The following GPC6 variants were observed in gnomAD, a reference collection of about 807,000 sequenced individuals.
The protein encoded by GPC6 is glypican-6.
In GPC6, 14 loss-of-function variants were observed where a neutral mutation model predicts 55.2. The ratio of observed to expected loss-of-function variants is 0.25; its 90% CI spans 0.17 to 0.40. GPC6 has a LOEUF of 0.40. Among genes scored for constraint, GPC6 ranks in the 10% least tolerant of loss-of-function variants. GPC6 has a pLI of 1.00. For missense variants in GPC6, 641 were observed against 708.5 expected (o/e 0.90, Z 1.08); for synonymous variants, 278 against 259.6 (o/e 1.07, Z -0.68).
At chr13:93,337,565 A>G (rs1331532810) in intron 1 of GPC6, among the ~76,000 whole-genome samples, 1 of 152,196 alleles carries the variant, frequency 6.6e-6, no homozygotes, top group East Asian at 1.9e-4. Context: ...GGCCATATAG[A>G]CAGGATATGG....
chr13:94,298,117 A>G (rs1453582584), intron 5 of GPC6, among the ~76,000 whole-genome samples: 1 of 152,150 alleles, frequency 6.6e-6, no homozygotes, highest in Non-Finnish European at 1.5e-5. Context: ...CGTCATCAAG[A>G]TGTTTTAAGT....
intron 3 of GPC6, among the ~76,000 whole-genome samples, chr13:93,968,954 C>G (rs907191612): frequency 2.6e-5 from 4 of 152,100 alleles, no homozygotes; most frequent in African/African-American, 9.7e-5. Context: ...TTAGTTTTCC[C>G]CAGTCTCTCA....
intron 4 of GPC6, among the ~76,000 whole-genome samples, chr13:94,170,659 T>C (rs1387371511): frequency 6.6e-6 from 1 of 152,236 alleles, no homozygotes; most frequent in Non-Finnish European, 1.5e-5. Context: ...ATTTTCACGT[T>C]TTCAAATTTG....
At chr13:93,221,090 C>T in the GPC6 span, among the ~76,000 whole-genome samples, 2 of 151,964 alleles carry the variant, frequency 1.3e-5, no homozygotes, top group African/African-American at 4.8e-5. Flanking sequence ...GATATGTTGC[C>T]CAGGCTGGTC....
At chr13:93,231,375 A>ATG (rs1566533455) in intron 1 of GPC6, among the ~76,000 whole-genome samples, 1 of 17,526 alleles carries the variant, frequency 5.7e-5, no homozygotes, top group African/African-American at 3.1e-4. Flanking sequence ...ATATATATAT[A>ATG]TATACATATA....
At chr13:94,014,404 G>A (rs898858114) in intron 3 of GPC6, among the ~76,000 whole-genome samples, 1 of 152,146 alleles carries the variant, frequency 6.6e-6, no homozygotes, top group Non-Finnish European at 1.5e-5. Context: ...ACAGCCTCTC[G>A]TTAGGGTTAA....
intron 4 of GPC6, among the ~76,000 whole-genome samples, chr13:94,161,087 T>C (rs968865559): frequency 1.3e-5 from 2 of 152,240 alleles, no homozygotes; most frequent in African/African-American, 4.8e-5. Context: ...TTAAGATGTT[T>C]GTTTAAGGTG....
At chr13:93,873,610 C>A (rs772938886) in intron 3 of GPC6, among the ~76,000 whole-genome samples, 1 of 151,776 alleles carries the variant, frequency 6.6e-6, no homozygotes, top group African/African-American at 2.4e-5. Flanking sequence ...ATCATCTGGC[C>A]CCACCTGTCA....
At chr13:93,317,382 T>G (rs1457685373) in intron 1 of GPC6, among the ~76,000 whole-genome samples, 2 of 152,116 alleles carry the variant, frequency 1.3e-5, no homozygotes, top group Admixed American at 6.6e-5. Context: ...AAGCTCTGCT[T>G]GTATTAGTTG....
At chr13:93,833,873 C>A (rs9561456) in intron 3 of GPC6, among the ~76,000 whole-genome samples, 35,776 of 151,934 alleles carry the variant, frequency 0.24, 4,739 homozygotes, top group East Asian at 0.34. Context: ...TTTTAAGTAA[C>A]TATAACTCTA....
chr13:93,850,872 A>G (rs140947752), intron 3 of GPC6, among the ~76,000 whole-genome samples: 1,543 of 152,090 alleles, frequency 0.01, 29 homozygotes, highest in African/African-American at 0.035. Flanking sequence ...ATGGTTATTG[A>G]GGTCTTAGAC....
rs571083860 is a variant in GPC6, at chr13:94,097,276, G to C, written c.877+69382G>C. On this transcript the variant is annotated intron_variant, in intron 4 of 8. Transcript: ENST00000377047. ...CCAGCACTTTGGGAGGCCGAGGCGG[G>C]TGGATCACGAGGTCAGGAGATCGAG... Among the ~76,000 whole-genome samples the C allele has an allele frequency of 9.9e-5, 15 of 152,234 alleles. No homozygotes were observed. In the South Asian group the frequency reaches 3.1e-3, roughly 32 times the overall value.
intron 1 of GPC6, among the ~76,000 whole-genome samples, chr13:93,366,577 A>G (rs1881257239): frequency 6.6e-6 from 1 of 152,092 alleles, no homozygotes. Context: ...GTAAATTTCT[A>G]TCCACTTTTC....
At chr13:94,045,045 G>A (rs1013874738) in intron 4 of GPC6, among the ~76,000 whole-genome samples, 6 of 151,606 alleles carry the variant, frequency 4.0e-5, no homozygotes, top group African/African-American at 1.5e-4. Flanking sequence ...GATAAGTATA[G>A]GTACGTTTAT....
chr13:93,561,898 T>A (rs1431777982), intron 2 of GPC6, among the ~76,000 whole-genome samples: 2 of 152,124 alleles, frequency 1.3e-5, no homozygotes, highest in African/African-American at 4.8e-5. Flanking sequence ...GAGAAGATTT[T>A]GAAGGGTCAA....
chr13:93,370,685 C>A (rs1014098984), intron 1 of GPC6, among the ~76,000 whole-genome samples: 8 of 152,066 alleles, frequency 5.3e-5, no homozygotes. Context: ...TGTAGCCTGC[C>A]ACATACAGCA....
chr13:93,981,083 C>T (rs752094385), intron 3 of GPC6, among the ~76,000 whole-genome samples: 15 of 152,042 alleles, frequency 9.9e-5, no homozygotes, highest in Non-Finnish European at 2.2e-4. Flanking sequence ...TCTTATTATT[C>T]AAAAAGAGAA....
At chr13:94,267,159 AG>A (rs952753178) in intron 4 of GPC6, among the ~76,000 whole-genome samples, 3 of 152,140 alleles carry the variant, frequency 2.0e-5, no homozygotes, top group Admixed American at 2.0e-4. Context: ...TGTATGGGCC[AG>A]GGGTGCAGCA....
chr13:94,360,565 C>G lies in GPC6; in HGVS notation c.1153-21849C>G, dbSNP rs1166389708. Among the ~76,000 whole-genome samples, 3 of 151,666 alleles carry G rather than the reference C, an allele frequency of 2.0e-5. No individual in the cohort carries two copies. In the East Asian group the frequency reaches 5.9e-4, roughly 30 times the overall value. The stretch of plus-strand genomic sequence containing the variant: ...AGAAAATTAGGAAAGGCTACTCAAA[C>G]CATAGTGGCGTTAAAAAAAAGGCCA... On this transcript the variant is annotated intron_variant, in intron 6 of 8. Transcript: ENST00000377047.
Sources: allele counts gnomAD v4.1 joint callset (sites outside exome capture counted in the v4.1 genomes callset), GRCh38; gene constraint gnomAD v4.1.1; transcripts MANE v1.5; gene names NCBI Gene and HGNC (gene_info 2026-07-23, HGNC 2026-07-21).